The following TMCO6 variants were observed in gnomAD, a reference collection of about 807,000 sequenced individuals.
The protein encoded by TMCO6 is transmembrane and coiled-coil domain-containing protein 6.
TMCO6 carries 47 observed loss-of-function variants against 61.8 expected under a neutral mutation model. That is an observed-to-expected ratio of 0.76 (90% CI 0.60 to 0.97). The LOEUF (loss-of-function observed/expected upper bound fraction) is 0.97, where lower values mean the gene tolerates loss of function less well. Ranked by LOEUF, TMCO6 falls within the 50% of genes least tolerant of loss-of-function variation. TMCO6 has a pLI of 0.00. For synonymous variants in TMCO6, 261 were observed against 254.2 expected, an observed-to-expected ratio of 1.03 and a Z score of -0.25; for missense variants, 557 against 601.6, an observed-to-expected ratio of 0.93 and a Z score of 0.78.
chr5:140,610,039 AT>A, the TMCO6 span, among the ~76,000 whole-genome samples: 11 of 149,202 alleles, frequency 7.4e-5, no homozygotes, highest in East Asian at 2.0e-4. Context: ...TGCCTGGCTA[AT>A]TTTTTTTTTA....
At chr5:140,611,001 T>G in the TMCO6 span, among the ~76,000 whole-genome samples, 5 of 152,180 alleles carry the variant, frequency 3.3e-5, no homozygotes, top group African/African-American at 1.2e-4. Flanking sequence ...ATTCTATTTT[T>G]CTGATGTATT....
chr5:140,631,839 T>G, the TMCO6 span: 1 of 1,524,618 alleles, frequency 6.6e-7, no homozygotes, highest in Non-Finnish European at 8.8e-7. Context: ...AGTCCATTCA[T>G]TATTCTGTCT....
chr5:140,619,559 CA>C, the TMCO6 span, among the ~76,000 whole-genome samples: 1 of 150,600 alleles, frequency 6.6e-6, no homozygotes, highest in South Asian at 2.1e-4. Flanking sequence ...CCTGCAGCTG[CA>C]AAAAAATGTA....
upstream of TMCO6, among the ~76,000 whole-genome samples, chr5:140,637,418 A>G (rs906092210): frequency 6.6e-6 from 1 of 152,188 alleles, no homozygotes. Context: ...TGAAATAATG[A>G]TATCTTTCTC....
the TMCO6 span, among the ~76,000 whole-genome samples, chr5:140,608,925 A>T: frequency 6.6e-6 from 1 of 152,210 alleles, no homozygotes; most frequent in East Asian, 1.9e-4. Context: ...GAAATCAGGA[A>T]GTGTGAGTCC....
At chr5:140,632,273 G>A in the TMCO6 span, 4 of 1,613,822 alleles carry the variant, frequency 2.5e-6, no homozygotes, top group Middle Eastern at 3.3e-4. The surrounding 1 kb of genome is among the most constrained non-coding windows in gnomAD (Gnocchi z 6.2). Context: ...ACACGCCTGT[G>A]GGCGTCTCCA....
chr5:140,645,802 C>A (rs1306080582), downstream of TMCO6: 14 of 1,478,156 alleles, frequency 9.5e-6, no homozygotes, highest in African/African-American at 2.8e-5. Context: ...GAGATATGAT[C>A]AAAATACATT....
At chr5:140,609,904 T>C in the TMCO6 span, among the ~76,000 whole-genome samples, 1 of 152,038 alleles carries the variant, frequency 6.6e-6, no homozygotes, top group African/African-American at 2.4e-5. Context: ...AGACAGAGTC[T>C]CACTGTCACC....
chr5:140,631,079 A>C, the TMCO6 span, among the ~76,000 whole-genome samples: 1 of 152,216 alleles, frequency 6.6e-6, no homozygotes, highest in Non-Finnish European at 1.5e-5. Context: ...AGTCAGCCTG[A>C]AAAGGTTATC....
At position 140,644,087 on chromosome 5, in the gene TMCO6, A is replaced by G; in HGVS notation, c.1106-13A>G. 1 of 1,614,026 alleles carries G rather than the reference A, an allele frequency of 6.2e-7. No individual in the cohort carries two copies. Among genetic ancestry groups the G allele is most frequent in the East Asian group, 2.2e-5 (1 of 44,878 alleles). On this transcript the variant is annotated splice_polypyrimidine_tract_variant and intron_variant, in intron 9 of 11. Transcript: ENST00000394671. ...GGGGAAAGCAGTTTTTCACCCTGGT[A>G]CTTCTCTTCCAGCAAACAGTCCTAG...
chr5:140,605,968 C>G, the TMCO6 span, among the ~76,000 whole-genome samples: 45,989 of 151,800 alleles, frequency 0.3, 7,181 homozygotes, highest in African/African-American at 0.32. Flanking sequence ...TCTAGATTAC[C>G]TAATTTGTTG....
the TMCO6 span, among the ~76,000 whole-genome samples, chr5:140,596,534 A>T: frequency 8.5e-5 from 13 of 152,180 alleles, no homozygotes; most frequent in Non-Finnish European, 1.6e-4. Flanking sequence ...CACCTTGCAG[A>T]ACAGTTATGC....
the TMCO6 span, among the ~76,000 whole-genome samples, chr5:140,613,790 G>A: frequency 1.3e-5 from 2 of 151,870 alleles, no homozygotes; most frequent in African/African-American, 2.4e-5. Flanking sequence ...TCATTGTAAC[G>A]TCAAACTCCT....
the TMCO6 span, among the ~76,000 whole-genome samples, chr5:140,604,523 G>C: frequency 2.6e-5 from 4 of 151,078 alleles, no homozygotes; most frequent in African/African-American, 9.7e-5. Context: ...TTCAAAGGCT[G>C]TCTTTTCACT....
chr5:140,609,362 A>C, the TMCO6 span: 1 of 259,442 alleles, frequency 3.9e-6, no homozygotes, highest in Non-Finnish European at 8.4e-6. Context: ...GCTGAGCAAC[A>C]TCCTGGCCGC....
the TMCO6 span, among the ~76,000 whole-genome samples, chr5:140,603,781 T>G: frequency 6.6e-6 from 1 of 152,244 alleles, no homozygotes; most frequent in Non-Finnish European, 1.5e-5. Context: ...TCGGTTATTA[T>G]GAATACTGCT....
chr5:140,647,075 A>AATACAACGCATC, downstream of TMCO6: 1 of 697,948 alleles, frequency 1.4e-6, no homozygotes, highest in Non-Finnish European at 2.3e-6. Flanking sequence ...TGTTGCCCGG[A>AATACAACGCATC]ATACAACGCA....
At chr5:140,600,816 T>C in the TMCO6 span, among the ~76,000 whole-genome samples, 1 of 152,130 alleles carries the variant, frequency 6.6e-6, no homozygotes, top group Non-Finnish European at 1.5e-5. Flanking sequence ...AGGGGAAATG[T>C]TCCACGGTCA....
the TMCO6 span, chr5:140,633,410 C>A: frequency 2.1e-6 from 1 of 478,534 alleles, no homozygotes; most frequent in Non-Finnish European, 3.8e-6. Flanking sequence ...GCGCCCCAGG[C>A]GGTGAATGCC....
Sources: allele counts gnomAD v4.1 joint callset (sites outside exome capture counted in the v4.1 genomes callset), GRCh38; gene constraint gnomAD v4.1.1; non-coding constraint Gnocchi (gnomAD v3.1); transcripts MANE v1.5; gene names NCBI Gene and HGNC (gene_info 2026-07-23, HGNC 2026-07-21).